FHIT: variants seen among roughly 807,000 people sequenced by gnomAD.
The protein encoded by FHIT is fragile histidine triad diadenosine triphosphatase.
Under a neutral mutation model 17.9 loss-of-function variants are expected in FHIT, and 19 were observed. The ratio of observed to expected loss-of-function variants is 1.06; its 90% confidence interval spans 0.74 to 1.56. FHIT has a LOEUF of 1.56. FHIT is among the 40% of genes most tolerant of loss of function. The pLI, the probability that FHIT is intolerant of heterozygous loss-of-function variation, is 0.00. For synonymous variants in FHIT, 81 were observed against 69.7 expected (o/e 1.16, Z -0.81); for missense variants, 248 against 189.2 (o/e 1.31, Z -1.82).
At chr3:60,461,312 G>C (rs2032448581) in intron 5 of FHIT, among the ~76,000 whole-genome samples, 1 of 152,052 alleles carries the variant, frequency 6.6e-6, no homozygotes, top group African/African-American at 2.4e-5. Flanking sequence ...AAGACGTAGA[G>C]CACATTATGC....
At chr3:61,183,410 T>C (rs1160104693) in intron 2 of FHIT, among the ~76,000 whole-genome samples, 1 of 152,132 alleles carries the variant, frequency 6.6e-6, no homozygotes, top group Non-Finnish European at 1.5e-5. Flanking sequence ...TCATCTAAAG[T>C]TATCAGGGAA....
chr3:60,136,433 G>T (rs1315389414), intron 5 of FHIT, among the ~76,000 whole-genome samples: 1 of 152,050 alleles, frequency 6.6e-6, no homozygotes, highest in African/African-American at 2.4e-5. Context: ...GGCACCCTTT[G>T]CTCAGAAATA....
At chr3:61,203,317 C>G (rs1447932455) in intron 1 of FHIT, among the ~76,000 whole-genome samples, 2 of 151,502 alleles carry the variant, frequency 1.3e-5, no homozygotes, top group African/African-American at 4.9e-5. Context: ...CCATTGCACT[C>G]CAGCCTGGGC....
intron 8 of FHIT, among the ~76,000 whole-genome samples, chr3:59,844,211 G>T (rs961489993): frequency 6.6e-6 from 1 of 152,104 alleles, no homozygotes; most frequent in Non-Finnish European, 1.5e-5. Context: ...TTCTTTTATA[G>T]CAATGGAAGA....
intron 2 of FHIT, among the ~76,000 whole-genome samples, chr3:61,170,029 T>C (rs2037957102): frequency 6.6e-6 from 1 of 152,134 alleles, no homozygotes; most frequent in Non-Finnish European, 1.5e-5. Flanking sequence ...AAAAGATTAT[T>C]GCTAAAGCCA....
At chr3:60,948,360 C>T (rs1316093152) in intron 3 of FHIT, among the ~76,000 whole-genome samples, 1 of 152,192 alleles carries the variant, frequency 6.6e-6, no homozygotes, top group Non-Finnish European at 1.5e-5. Context: ...CAGATTTATG[C>T]TTCTACTATA....
intron 7 of FHIT, among the ~76,000 whole-genome samples, chr3:59,998,085 A>G (rs1057015527): frequency 3.4e-5 from 5 of 148,432 alleles, no homozygotes; most frequent in African/African-American, 1.3e-4. Context: ...AGCCACTTCT[A>G]CACAGATCAC....
intron 5 of FHIT, among the ~76,000 whole-genome samples, chr3:60,046,118 T>C (rs1035931787): frequency 2.0e-5 from 3 of 152,226 alleles, no homozygotes; most frequent in East Asian, 1.9e-4. Context: ...TAGGCAGGCA[T>C]TGGGTCATAT....
chr3:60,425,813 TAAAG>T (rs1702641599), intron 5 of FHIT, among the ~76,000 whole-genome samples: 1 of 1,876 alleles, frequency 5.3e-4, no homozygotes. Context: ...AATGAGGAAG[TAAAG>T]TAAATGATAG....
intron 5 of FHIT, among the ~76,000 whole-genome samples, chr3:60,032,981 C>G (rs1701063811): frequency 6.6e-6 from 1 of 151,920 alleles, no homozygotes; most frequent in Non-Finnish European, 1.5e-5. Context: ...AGCAAACAGA[C>G]AAATCCGTAC....
At chr3:60,418,557 CTTTTTTTTTT>C (rs11452248) in intron 5 of FHIT, among the ~76,000 whole-genome samples, 1 of 95,194 alleles carries the variant, frequency 1.1e-5, no homozygotes, top group Admixed American at 1.2e-4. Context: ...TCCCTCCCAA[CTTTTTTTTTT>C]TTTTTTTTTT....
chr3:60,800,969 G>C (rs1353545857), intron 4 of FHIT, among the ~76,000 whole-genome samples: 1 of 152,092 alleles, frequency 6.6e-6, no homozygotes, highest in Admixed American at 6.5e-5. Flanking sequence ...AAGCAGCTGG[G>C]GCATGGGTGT....
chr3:59,916,694 C>T (rs1455748597), intron 8 of FHIT, among the ~76,000 whole-genome samples: 1 of 152,128 alleles, frequency 6.6e-6, no homozygotes, highest in Admixed American at 6.5e-5. Context: ...CCAGCTTTCT[C>T]ATTACTAAAA....
intron 4 of FHIT, among the ~76,000 whole-genome samples, chr3:60,619,520 C>A (rs1280352320): frequency 2.2e-5 from 3 of 137,906 alleles, no homozygotes; most frequent in Admixed American, 7.7e-5. Flanking sequence ...CAAAAGCCAC[C>A]AAATACATCA....
At chr3:61,153,227 T>G (rs905078914) in intron 2 of FHIT, among the ~76,000 whole-genome samples, 1 of 151,512 alleles carries the variant, frequency 6.6e-6, no homozygotes. Flanking sequence ...AATTGAGAGA[T>G]AACATCTCCT....
chr3:60,835,416 T>C (rs1553743634), intron 3 of FHIT, among the ~76,000 whole-genome samples: 1 of 152,180 alleles, frequency 6.6e-6, no homozygotes, highest in African/African-American at 2.4e-5. Flanking sequence ...CATTATATAG[T>C]TTTCAACAAA....
At chr3:59,786,846 G>A (rs1052591513) in intron 8 of FHIT, among the ~76,000 whole-genome samples, 1 of 152,230 alleles carries the variant, frequency 6.6e-6, no homozygotes, top group Non-Finnish European at 1.5e-5. Context: ...GGCTGCTGCT[G>A]CGAACACCTC....
intron 8 of FHIT, among the ~76,000 whole-genome samples, chr3:59,913,976 G>C (rs114309581): frequency 1.3e-5 from 2 of 152,158 alleles, no homozygotes; most frequent in Admixed American, 1.3e-4. Flanking sequence ...TCCACAAACA[G>C]CTGCTTGCCA....
At chr3:60,181,585 A>T (rs888675055) in intron 5 of FHIT, among the ~76,000 whole-genome samples, 1 of 152,204 alleles carries the variant, frequency 6.6e-6, no homozygotes, top group Non-Finnish European at 1.5e-5. Flanking sequence ...TACCACTGGC[A>T]TCAACAGAAG....
Sources: gnomAD v4.1 joint callset for allele counts (sites outside exome capture counted in the v4.1 genomes callset) on GRCh38, gnomAD v4.1.1 for gene constraint, MANE v1.5 for transcripts, NCBI Gene and HGNC (gene_info 2026-07-23, HGNC 2026-07-21) for gene names.